Variants in CNTNAP3B observed in about 807,000 individuals in gnomAD.
CNTNAP3B encodes the protein contactin-associated protein-like 3B.
In CNTNAP3B, 25 loss-of-function variants were observed where a neutral mutation model predicts 108.9. That is an observed-to-expected ratio of 0.23 (90% confidence interval 0.17 to 0.32). The LOEUF (loss-of-function observed/expected upper bound fraction) is 0.32. Among genes scored for constraint, CNTNAP3B ranks in the 10% least tolerant of loss-of-function variants. The pLI is 1.00. For missense variants in CNTNAP3B, 252 were observed against 1,210.4 expected (o/e 0.21, Z 11.75); for synonymous variants, 103 against 473.4 (o/e 0.22, Z 10.16).
intron 13 of CNTNAP3B, among the ~76,000 whole-genome samples, chr9:41,950,355 C>T (rs1372235649): frequency 7.5e-6 from 1 of 133,884 alleles, no homozygotes; most frequent in Non-Finnish European, 1.6e-5. Context: ...ATGCAATTAC[C>T]ATATATGACC....
intron 17 of CNTNAP3B, among the ~76,000 whole-genome samples, chr9:41,920,885 G>A (rs1238695823): frequency 6.6e-6 from 1 of 152,306 alleles, no homozygotes; most frequent in Non-Finnish European, 1.5e-5. Flanking sequence ...CCTCTCAGAG[G>A]GTACAGTGCT....
intron 13 of CNTNAP3B, among the ~76,000 whole-genome samples, chr9:41,944,447 C>G (rs1299537784): frequency 2.0e-5 from 3 of 152,130 alleles, no homozygotes; most frequent in Non-Finnish European, 4.4e-5. Context: ...GTACCAGCAC[C>G]ATTAATGAAG....
intron 13 of CNTNAP3B, among the ~76,000 whole-genome samples, chr9:41,942,277 C>A (rs1157794220): frequency 6.6e-6 from 1 of 152,374 alleles, no homozygotes; most frequent in East Asian, 1.9e-4. Flanking sequence ...AGATCGAGAC[C>A]ATCCTGGCTA....
At chr9:42,116,066 G>A (rs1397025165) in intron 1 of CNTNAP3B, among the ~76,000 whole-genome samples, 2 of 139,764 alleles carry the variant, frequency 1.4e-5, no homozygotes, top group Non-Finnish European at 3.1e-5. Flanking sequence ...AGAACTACAT[G>A]ACGCATGCAC....
intron 12 of CNTNAP3B, among the ~76,000 whole-genome samples, chr9:41,960,488 A>G (rs2118199977): frequency 6.6e-6 from 1 of 152,290 alleles, no homozygotes; most frequent in Non-Finnish European, 1.5e-5. Flanking sequence ...TAAATCACCG[A>G]ATCAGAGGTT....
At chr9:42,047,793 CTGTT>C (rs1826907373) in intron 3 of CNTNAP3B, among the ~76,000 whole-genome samples, 3 of 114,520 alleles carry the variant, frequency 2.6e-5, no homozygotes. Context: ...GGTTGGTTCT[CTGTT>C]TGTGATAGTG....
chr9:42,119,724 A>T (rs1324982365), intron 1 of CNTNAP3B, among the ~76,000 whole-genome samples: 1 of 139,966 alleles, frequency 7.1e-6, no homozygotes, highest in African/African-American at 2.8e-5. Flanking sequence ...AGCAATGGGG[A>T]AAGGATTCCC....
chr9:41,973,637 G>C (rs1173559646), intron 9 of CNTNAP3B, among the ~76,000 whole-genome samples: 2 of 133,958 alleles, frequency 1.5e-5, no homozygotes, highest in Non-Finnish European at 3.2e-5. Context: ...ATTCCATAAA[G>C]GTAAGTTTAA....
At chr9:42,121,646 G>T (rs1052742285) in intron 1 of CNTNAP3B, among the ~76,000 whole-genome samples, 1 of 140,076 alleles carries the variant, frequency 7.1e-6, no homozygotes, top group African/African-American at 2.8e-5. Flanking sequence ...ATCCAAAAAA[G>T]GAAAGCTGCC....
At chr9:42,103,278 C>T (rs561095902) in intron 2 of CNTNAP3B, among the ~76,000 whole-genome samples, 1 of 148,832 alleles carries the variant, frequency 6.7e-6, no homozygotes, top group African/African-American at 2.6e-5. Context: ...GAAAAATAAA[C>T]AGAAAAATGA....
chr9:42,024,592 G>T (rs1353844294), intron 3 of CNTNAP3B, among the ~76,000 whole-genome samples: 2 of 114,230 alleles, frequency 1.8e-5, no homozygotes, highest in South Asian at 3.0e-4. Flanking sequence ...CAGACAGAAG[G>T]TTGTCCGGAG....
intron 17 of CNTNAP3B, among the ~76,000 whole-genome samples, chr9:41,921,476 TC>T (rs1466221171): frequency 6.7e-6 from 1 of 149,324 alleles, no homozygotes; most frequent in Non-Finnish European, 1.5e-5. Flanking sequence ...GTATCTACCC[TC>T]CCCTGTAAAT....
intron 10 of CNTNAP3B, 106 bp from the exon 11 acceptor site, chr9:41,964,750 C>G: frequency 6.9e-7 from 1 of 1,449,668 alleles, no homozygotes; most frequent in Non-Finnish European, 9.2e-7. Context: ...GCAAGATAAC[C>G]CCACATGACG....
chr9:41,973,062 C>T (rs1390312313), intron 9 of CNTNAP3B, among the ~76,000 whole-genome samples: 4 of 139,038 alleles, frequency 2.9e-5, no homozygotes, highest in Non-Finnish European at 3.1e-5. Context: ...CTCAGCCTCC[C>T]GAGTGGCTGG....
intron 10 of CNTNAP3B, among the ~76,000 whole-genome samples, chr9:41,968,766 G>T: frequency 6.9e-6 from 1 of 144,270 alleles, no homozygotes; most frequent in Non-Finnish European, 1.5e-5. Flanking sequence ...CATGAAGAAG[G>T]CAGGTTTTGA....
chr9:41,925,735 A>G lies in CNTNAP3B; in HGVS notation c.2366-1642T>C, dbSNP rs1475453406. Among the ~76,000 whole-genome samples, 47 of 152,412 alleles carry G rather than the reference A, an allele frequency of 3.1e-4. 1 individual carries two copies. The highest frequency in any genetic ancestry group is 1.1e-3 in the African/African-American group (46 of 41,596). On this transcript the variant is annotated intron_variant, in intron 15 of 23. Transcript: ENST00000377561. ...GGTTTATACTCTATAACTTATTTTG[A>G]TGCTTAAGTTGTCTCAAATGTGGCA...
rs1443085319 is a variant in CNTNAP3B, at chr9:42,124,759, C to T, written c.85+4251G>A. 2.1e-3 allele frequency among the ~76,000 whole-genome samples: 271 copies of T among 126,586 alleles called. 32 individuals carry two copies. The highest frequency in any genetic ancestry group is 3.7e-3 in the Middle Eastern group (1 of 272). The allele number at this position is 126,586 out of a possible 152,430, so 83.0% of individuals were successfully genotyped here. On this transcript the variant is annotated intron_variant, in intron 1 of 23. Transcript: ENST00000377561. ...CAGATGTCCTAGGCAATAAACTTCC[C>T]AAAAAGAATGGAGAACAATCCCAGT... is the stretch of plus-strand genomic sequence containing the variant.
chr9:41,941,407 C>A (rs1484851187), intron 13 of CNTNAP3B, among the ~76,000 whole-genome samples: 3 of 149,568 alleles, frequency 2.0e-5, no homozygotes, highest in Non-Finnish European at 4.4e-5. Flanking sequence ...ATGGCTATCT[C>A]ATAAAATAGA....
Position 41,964,619 on chromosome 9 carries a change from C to T in CNTNAP3B, c.1675G>A (p.Gly559Arg). 1 of 1,536,780 alleles carries T rather than the reference C, an allele frequency of 6.5e-7. No homozygotes were observed. The highest frequency in any genetic ancestry group is 8.8e-7 in the Non-Finnish European group (1 of 1,141,484). The change falls in exon 11 of 24, where the codon GGG (glycine) becomes AGG (arginine). Residue 559 changes from glycine to arginine, a missense_variant. Coordinates refer to ENST00000377561, the MANE Select transcript of CNTNAP3B (RefSeq NM_001201380.3). ...TCCCACGACTGGGAACACTCGCCCC[C>T]ATGCTCACAGTAGCTGGGCAAGCAC... ...DRCLPSYCEH[G>R]GECSQSWDTF...
Sources: gnomAD v4.1 joint callset for allele counts (sites outside exome capture counted in the v4.1 genomes callset) on GRCh38, gnomAD v4.1.1 for gene constraint, MANE v1.5 for transcripts, NCBI Gene and HGNC (gene_info 2026-07-23, HGNC 2026-07-21) for gene names.